The following FHIT variants were observed in gnomAD, a reference collection of about 807,000 sequenced individuals.
FHIT encodes the protein fragile histidine triad diadenosine triphosphatase.
FHIT carries 19 observed loss-of-function variants against 17.9 expected under a neutral mutation model. The ratio of observed to expected loss-of-function variants is 1.06; its 90% CI spans 0.74 to 1.56. The LOEUF (loss-of-function observed/expected upper bound fraction) is 1.56. Ranked by LOEUF, FHIT falls within the 40% of genes most tolerant of loss-of-function variation. The pLI is 0.00. For missense variants in FHIT, 248 were observed against 189.2 expected (o/e 1.31, Z -1.82); for synonymous variants, 81 against 69.7 (o/e 1.16, Z -0.81).
intron 5 of FHIT, among the ~76,000 whole-genome samples, chr3:60,087,687 T>A (rs911554544): frequency 6.6e-6 from 1 of 152,206 alleles, no homozygotes; most frequent in Non-Finnish European, 1.5e-5. Context: ...TTTGCTACTA[T>A]GTAACAAGGG....
intron 5 of FHIT, among the ~76,000 whole-genome samples, chr3:60,045,492 A>G (rs1701617029): frequency 6.6e-6 from 1 of 152,132 alleles, no homozygotes; most frequent in South Asian, 2.1e-4. Context: ...ACCTGCCCCC[A>G]TGATTCAATT....
At chr3:59,933,963 G>A (rs1706098210) in intron 7 of FHIT, among the ~76,000 whole-genome samples, 1 of 152,112 alleles carries the variant, frequency 6.6e-6, no homozygotes, top group African/African-American at 2.4e-5. Flanking sequence ...TCAGAGTAGA[G>A]CTCTGGGAGG....
chr3:60,521,880 T>G (rs1203710044), intron 5 of FHIT, among the ~76,000 whole-genome samples: 1 of 152,142 alleles, frequency 6.6e-6, no homozygotes, highest in African/African-American at 2.4e-5. Context: ...CCCATGTACA[T>G]TCAACAATAC....
At chr3:60,348,621 A>G (rs1710917819) in intron 5 of FHIT, among the ~76,000 whole-genome samples, 1 of 148,248 alleles carries the variant, frequency 6.7e-6, no homozygotes, top group South Asian at 2.1e-4. Context: ...AATAAGTCAC[A>G]GGCACCTAGA....
intron 5 of FHIT, among the ~76,000 whole-genome samples, chr3:60,421,702 T>A (rs1702474414): frequency 6.6e-6 from 1 of 152,124 alleles, no homozygotes; most frequent in Non-Finnish European, 1.5e-5. Flanking sequence ...GACCTTAACT[T>A]TCTCCAATTT....
At chr3:60,866,290 G>T (rs576128034) in intron 3 of FHIT, among the ~76,000 whole-genome samples, 2 of 152,176 alleles carry the variant, frequency 1.3e-5, no homozygotes, top group Non-Finnish European at 2.9e-5. Context: ...GCTGACCTGT[G>T]TAAGCAATAA....
At chr3:60,144,619 T>C (rs574549743) in intron 5 of FHIT, among the ~76,000 whole-genome samples, 1 of 152,298 alleles carries the variant, frequency 6.6e-6, no homozygotes, top group Admixed American at 6.5e-5. Flanking sequence ...AATGAATACA[T>C]TATAATTGTA....
At chr3:60,406,989 C>G (rs1015444885) in intron 5 of FHIT, among the ~76,000 whole-genome samples, 1 of 150,638 alleles carries the variant, frequency 6.6e-6, no homozygotes, top group African/African-American at 2.4e-5. Context: ...CCAATCTACT[C>G]TGCTTTCTGT....
chr3:59,968,351 T>C (rs568480535), intron 7 of FHIT, among the ~76,000 whole-genome samples: 1 of 151,922 alleles, frequency 6.6e-6, no homozygotes, highest in East Asian at 1.9e-4. Context: ...GGCAGAAACC[T>C]ATATGAACTT....
intron 7 of FHIT, among the ~76,000 whole-genome samples, chr3:59,949,560 G>A (rs1433776603): frequency 1.3e-5 from 2 of 152,186 alleles, no homozygotes; most frequent in Non-Finnish European, 2.9e-5. Flanking sequence ...TAATACTTTG[G>A]AAAGGATAAC....
intron 4 of FHIT, among the ~76,000 whole-genome samples, chr3:60,583,998 G>T (rs182822037): frequency 1.3e-5 from 2 of 152,174 alleles, no homozygotes; most frequent in East Asian, 3.9e-4. Flanking sequence ...GGTCACAGAG[G>T]GCTGTCATTT....
At chr3:60,480,542 C>T (rs893985171) in intron 5 of FHIT, among the ~76,000 whole-genome samples, 2 of 152,180 alleles carry the variant, frequency 1.3e-5, no homozygotes, top group African/African-American at 4.8e-5. Context: ...TAGTTACTTA[C>T]AAGATACAAT....
chr3:60,793,639 A>G (rs1304775293), intron 4 of FHIT, among the ~76,000 whole-genome samples: 1 of 152,172 alleles, frequency 6.6e-6, no homozygotes, highest in Non-Finnish European at 1.5e-5. Context: ...GGCTTCCAAG[A>G]AAAACTGCTT....
chr3:61,186,358 C>T (rs1276570846), intron 2 of FHIT, among the ~76,000 whole-genome samples: 2 of 152,200 alleles, frequency 1.3e-5, no homozygotes, highest in Non-Finnish European at 1.5e-5. Flanking sequence ...AGACCTTGTG[C>T]CCTGGGCCAC....
intron 4 of FHIT, among the ~76,000 whole-genome samples, chr3:60,641,770 C>T (rs913351823): frequency 6.6e-6 from 1 of 152,142 alleles, no homozygotes; most frequent in Non-Finnish European, 1.5e-5. Context: ...AAACCAGATT[C>T]TGATGGCATC....
intron 5 of FHIT, among the ~76,000 whole-genome samples, chr3:60,044,955 A>G (rs1235183454): frequency 1.3e-5 from 2 of 152,176 alleles, no homozygotes; most frequent in African/African-American, 4.8e-5. Flanking sequence ...AAGAATTTCA[A>G]AATAAACACT....
intron 5 of FHIT, among the ~76,000 whole-genome samples, chr3:60,395,135 G>A (rs550027930): frequency 1.3e-5 from 2 of 152,298 alleles, no homozygotes; most frequent in African/African-American, 2.4e-5. Flanking sequence ...ATAGAATTGA[G>A]TAGAAAGGTC....
chr3:60,162,556 T>A (rs1233393734), intron 5 of FHIT, among the ~76,000 whole-genome samples: 3 of 152,194 alleles, frequency 2.0e-5, no homozygotes, highest in Admixed American at 2.0e-4. Flanking sequence ...GATAGTGCTA[T>A]TTGTTAAATA....
intron 5 of FHIT, among the ~76,000 whole-genome samples, chr3:60,062,768 G>A (rs768273078): frequency 9.2e-5 from 14 of 151,572 alleles, no homozygotes; most frequent in Non-Finnish European, 1.8e-4. Context: ...ATATGGAGGA[G>A]TTTTGTTTTT....
Sources: gnomAD v4.1 joint callset for allele counts (sites outside exome capture counted in the v4.1 genomes callset) on GRCh38, gnomAD v4.1.1 for gene constraint, MANE v1.5 for transcripts, NCBI Gene and HGNC (gene_info 2026-07-23, HGNC 2026-07-21) for gene names.